The following NSG1 variants were observed in gnomAD, a reference collection of about 807,000 sequenced individuals.
NSG1 encodes the protein neuronal vesicle trafficking associated 1.
In NSG1, 9 loss-of-function variants were observed where a neutral mutation model predicts 19.3. The observed-to-expected ratio is 0.47, with a 90% confidence interval of 0.28 to 0.81. The LOEUF (loss-of-function observed/expected upper bound fraction) is 0.81, where lower values mean the gene tolerates loss of function less well. NSG1 is among the 40% of genes least tolerant of loss of function. The pLI, the probability that NSG1 is intolerant of heterozygous loss-of-function variation, is 0.11. For synonymous variants in NSG1, 104 were observed against 107.0 expected, an observed-to-expected ratio of 0.97 and a Z score of 0.17; for missense variants, 236 against 242.4, an observed-to-expected ratio of 0.97 and a Z score of 0.18.
At chr4:4,399,872 G>T (rs74632714) in intron 3 of NSG1, among the ~76,000 whole-genome samples, 11,045 of 152,190 alleles carry the variant, frequency 0.073, 453 homozygotes, top group East Asian at 0.13. Context: ...TTCACAATAG[G>T]GTTCATGCTC....
intron 3 of NSG1, among the ~76,000 whole-genome samples, chr4:4,402,342 A>AT (rs1185856057): frequency 1.5e-5 from 2 of 132,928 alleles, no homozygotes; most frequent in Non-Finnish European, 3.1e-5. Context: ...AGTAGCTGGG[A>AT]TTATAGACAC....
At chr4:4,415,267 G>A (rs746679946) in intron 4 of NSG1, among the ~76,000 whole-genome samples, 3 of 152,084 alleles carry the variant, frequency 2.0e-5, no homozygotes, top group Non-Finnish European at 4.4e-5. Context: ...ACACACTTAC[G>A]TAGCTACCTC....
intron 3 of NSG1, among the ~76,000 whole-genome samples, chr4:4,395,220 G>A (rs1723191778): frequency 6.6e-6 from 1 of 152,230 alleles, no homozygotes; most frequent in Non-Finnish European, 1.5e-5. Flanking sequence ...TTCCCCAGGT[G>A]TTTCTGGAGC....
At chr4:4,406,171 G>A (rs1264772132) in intron 3 of NSG1, among the ~76,000 whole-genome samples, 1 of 152,138 alleles carries the variant, frequency 6.6e-6, no homozygotes, top group Non-Finnish European at 1.5e-5. Flanking sequence ...GGGATTACAG[G>A]CACTCACCAC....
chr4:4,402,393 T>A (rs1174327995), intron 3 of NSG1, among the ~76,000 whole-genome samples: 25 of 105,924 alleles, frequency 2.4e-4, no homozygotes, highest in Admixed American at 5.6e-4. Context: ...TTTTTTTTTT[T>A]TTTTTTTTTT....
At chr4:4,408,608 C>T (rs547177464) in intron 3 of NSG1, among the ~76,000 whole-genome samples, 4 of 152,156 alleles carry the variant, frequency 2.6e-5, no homozygotes, top group Non-Finnish European at 4.4e-5. Context: ...ATTACAGGTG[C>T]GCACCAACAT....
chr4:4,413,992 C>A (rs962079527), intron 4 of NSG1, among the ~76,000 whole-genome samples: 2 of 152,064 alleles, frequency 1.3e-5, no homozygotes, highest in Admixed American at 1.3e-4. Context: ...TGGCCCTGAG[C>A]CGGAGAGAGG....
intron 3 of NSG1, among the ~76,000 whole-genome samples, chr4:4,392,858 G>A (rs1255139594): frequency 6.6e-6 from 1 of 152,156 alleles, no homozygotes; most frequent in Non-Finnish European, 1.5e-5. Context: ...GTCTGTGTCT[G>A]TCCCTGCTGG....
At position 4,417,264 on chromosome 4, in the gene NSG1, G is replaced by C. The variant is rs753998040; in HGVS notation, c.387G>C (p.Glu129Asp). 6.2e-7 allele frequency: 1 copy of C among 1,614,148 alleles called. No individual in the cohort carries two copies. Among genetic ancestry groups the C allele is most frequent in the South Asian group, 1.1e-5 (1 of 91,076 alleles). The change falls in exon 5 of 5, where the codon GAG (glutamate) becomes GAC (aspartate). Residue 129 changes from glutamate to aspartate, a missense_variant. By Grantham distance (45) the Glu-to-Asp change is conservative (BLOSUM62 2). Transcript: ENST00000621129. Reference protein sequence around the residue: ...KNTQCIPEGLESYYAEQDSSA... With the variant: ...KNTQCIPEGLDSYYAEQDSSA... The stretch of plus-strand genomic sequence containing the variant: ...CCCAGTGCATCCCAGAAGGCTTGGA[G>C]AGCTACTACGCGGAGCAAGACTCCA...
At chr4:4,408,896 A>G (rs1484469890) in intron 3 of NSG1, among the ~76,000 whole-genome samples, 1 of 152,156 alleles carries the variant, frequency 6.6e-6, no homozygotes, top group African/African-American at 2.4e-5. Flanking sequence ...TCCCCCTCCA[A>G]GCCAGCTGTC....
intron 3 of NSG1, among the ~76,000 whole-genome samples, chr4:4,396,911 GC>G (rs1409507056): frequency 1.3e-5 from 2 of 152,104 alleles, no homozygotes; most frequent in African/African-American, 4.8e-5. Flanking sequence ...GTGTGTGGAC[GC>G]CCCCTCACCT....
rs1724735515 is a variant in NSG1, at chr4:4,418,735, T to TGTTTCCTG, written c.*1301_*1308dup. On this transcript the variant is annotated 3_prime_UTR_variant, in exon 5 of 5. Coordinates refer to ENST00000621129, the MANE Select transcript of NSG1 (RefSeq NM_014392.5). ...TGGTGACCGTGGTCAGCGCCACTCT[T>TGTTTCCTG]GTTTCCTGAAATGTGCTTCTAAGAC... 1.3e-5 allele frequency: 2 copies of TGTTTCCTG among 152,582 alleles called. 1 individual carries two copies. The highest frequency in any genetic ancestry group is 4.1e-4 in the South Asian group (2 of 4,826). The allele number at this position is 152,582 out of a possible 1,614,324, so 9.5% of individuals were successfully genotyped here. A position where few individuals can be genotyped will look rare whatever the true frequency, so the allele number is the denominator to read the frequency against.
chr4:4,417,464 C>T lies in NSG1; in HGVS notation c.*29C>T. ...GATGGGCAAGTTCCTTACAATGTGTCACTTGCAAATAACAAAGGGACTTTG... is the reference window on the plus strand; with the variant it reads ...GATGGGCAAGTTCCTTACAATGTGTTACTTGCAAATAACAAAGGGACTTTG... On this transcript the variant is annotated 3_prime_UTR_variant, in exon 5 of 5. Coordinates refer to ENST00000621129, the MANE Select transcript of NSG1 (RefSeq NM_014392.5). 6.3e-7 allele frequency: 1 copy of T among 1,592,408 alleles called. No individual in the cohort carries two copies. Among genetic ancestry groups the T allele is most frequent in the Non-Finnish European group, 8.6e-7 (1 of 1,160,638 alleles).
chr4:4,389,217 C>A (rs537465595), intron 2 of NSG1, among the ~76,000 whole-genome samples: 4 of 152,272 alleles, frequency 2.6e-5, no homozygotes, highest in Non-Finnish European at 5.9e-5. Flanking sequence ...CCATTTGGCA[C>A]AGTTGGTTTA....
intron 3 of NSG1, among the ~76,000 whole-genome samples, chr4:4,392,149 ATCC>A (rs1723026144): frequency 6.6e-6 from 1 of 151,836 alleles, no homozygotes; most frequent in African/African-American, 2.4e-5. Flanking sequence ...GCCTGTGTGT[ATCC>A]TCCATCCTTC....
chr4:4,409,477 C>T (rs575968744), intron 3 of NSG1, 96 bp from the exon 4 acceptor site: 233 of 896,148 alleles, frequency 2.6e-4, no homozygotes, highest in Non-Finnish European at 4.1e-4. Flanking sequence ...ATAGTCTCTG[C>T]ACATGCTGTG....
Position 4,417,439 on chromosome 4 carries a change from G to A in NSG1, c.*4G>A. 6.2e-7 allele frequency: 1 copy of A among 1,614,070 alleles called. No homozygotes were observed. The highest frequency in any genetic ancestry group is 8.5e-7 in the Non-Finnish European group (1 of 1,179,916). On this transcript the variant is annotated 3_prime_UTR_variant, in exon 5 of 5. Coordinates refer to ENST00000621129, the MANE Select transcript of NSG1 (RefSeq NM_014392.5). ...AGCGGCTGAGAAGTCAGCTTAGCGG[G>A]ATGGGCAAGTTCCTTACAATGTGTC...
chr4:4,409,510 GGTGT>G (rs1180201153), intron 3 of NSG1, 59 bp from the exon 4 acceptor site: 5 of 1,208,282 alleles, frequency 4.1e-6, no homozygotes, highest in South Asian at 2.4e-5. Context: ...TTCGTGTGCG[GGTGT>G]GTGTGTGTCT....
At chr4:4,401,062 AG>A (rs200771498) in intron 3 of NSG1, among the ~76,000 whole-genome samples, 2,090 of 152,298 alleles carry the variant, frequency 0.014, 44 homozygotes, top group African/African-American at 0.046. Flanking sequence ...CACCCACAGC[AG>A]TGGGGGCTGG....
Sources: gnomAD v4.1 joint callset for allele counts (sites outside exome capture counted in the v4.1 genomes callset) on GRCh38, gnomAD v4.1.1 for gene constraint, MANE v1.5 for transcripts, NCBI Gene and HGNC (gene_info 2026-07-23, HGNC 2026-07-21) for gene names.